PCDHA12: variants seen among roughly 807,000 people sequenced by gnomAD.
The protein encoded by PCDHA12 is protocadherin alpha-12.
In PCDHA12, 44 loss-of-function variants were observed where a neutral mutation model predicts 60.0. The ratio of observed to expected loss-of-function variants is 0.73; its 90% CI spans 0.58 to 0.94. The LOEUF is 0.94. Among genes scored for constraint, PCDHA12 ranks in the 40% least tolerant of loss-of-function variants. The pLI, the probability that PCDHA12 is intolerant of heterozygous loss-of-function variation, is 0.00. For synonymous variants in PCDHA12, 569 were observed against 553.0 expected, an observed-to-expected ratio of 1.03 and a Z score of -0.40; for missense variants, 1,276 against 1,239.7, an observed-to-expected ratio of 1.03 and a Z score of -0.44.
At chr5:140,948,563 A>AT (rs1400147953) in intron 1 of PCDHA12, among the ~76,000 whole-genome samples, 1 of 151,546 alleles carries the variant, frequency 6.6e-6, no homozygotes, top group African/African-American at 2.4e-5. Flanking sequence ...GTTAAGTTGT[A>AT]TTTTTTAAAG....
Position 140,883,460 on chromosome 5 carries a change from G to C in PCDHA12, c.2367+5621G>C, listed in dbSNP as rs1554178305. 4 of 1,614,138 alleles carry C rather than the reference G, an allele frequency of 2.5e-6. No individual in the cohort carries two copies. The African/African-American group carries it at 5.3e-5, about 22-fold the overall frequency. On this transcript the variant is annotated intron_variant, in intron 1 of 3. Transcript: ENST00000398631. Reference sequence around the variant, plus strand: ...GACGCCGCATGTCCCCTTCAAGCTGGTGTCCACCTACAAGAACTACTACTC... The same window carrying C: ...GACGCCGCATGTCCCCTTCAAGCTGCTGTCCACCTACAAGAACTACTACTC...
intron 1 of PCDHA12, among the ~76,000 whole-genome samples, chr5:140,943,778 G>A (rs1554215923): frequency 6.6e-6 from 1 of 152,242 alleles, no homozygotes; most frequent in African/African-American, 2.4e-5. Flanking sequence ...AAACTAGGAA[G>A]TGGTCCTTTA....
chr5:140,994,052 C>T (rs2097593082), intron 3 of PCDHA12, among the ~76,000 whole-genome samples: 1 of 152,134 alleles, frequency 6.6e-6, no homozygotes, highest in African/African-American at 2.4e-5. Context: ...CAGTCCTGCC[C>T]TTATAAATCT....
intron 3 of PCDHA12, among the ~76,000 whole-genome samples, chr5:140,998,111 T>A (rs1224150326): frequency 1.3e-5 from 2 of 152,108 alleles, no homozygotes; most frequent in African/African-American, 4.8e-5. Flanking sequence ...GAGGAGAAAA[T>A]TTACTTGTGA....
In PCDHA12 at chr5:141,006,360, C is replaced by T. The variant is rs898915080; in HGVS notation, c.2516-3267C>T. ...CTGAGTAGCTGGGACTATAGGCGCC[C>T]ACCACCACGCCCGGCTAAGTTTTTT... On this transcript the variant is annotated intron_variant, in intron 3 of 3. Coordinates refer to ENST00000398631, the MANE Select transcript of PCDHA12 (RefSeq NM_018903.4). Among the ~76,000 whole-genome samples, 9 of 151,982 alleles carry T rather than the reference C, an allele frequency of 5.9e-5. 1 individual carries two copies. The highest frequency in any genetic ancestry group is 1.2e-4 in the Non-Finnish European group (8 of 67,998).
At chr5:140,897,438 G>A (rs2066109195) in intron 1 of PCDHA12, among the ~76,000 whole-genome samples, 1 of 149,226 alleles carries the variant, frequency 6.7e-6, no homozygotes, top group African/African-American at 2.5e-5. Context: ...AACATGCAGT[G>A]TTTGGTTTTT....
chr5:140,920,374 G>T (rs1427300257), intron 1 of PCDHA12, among the ~76,000 whole-genome samples: 1 of 151,964 alleles, frequency 6.6e-6, no homozygotes, highest in East Asian at 1.9e-4. Flanking sequence ...TATTCTTGTG[G>T]ATTCATATTA....
chr5:140,944,182 GTTTGT>G (rs750577669), intron 1 of PCDHA12, among the ~76,000 whole-genome samples: 4 of 152,050 alleles, frequency 2.6e-5, no homozygotes, highest in African/African-American at 2.4e-5. Context: ...TTTTTTGTTG[GTTTGT>G]TTTGTTTTGT....
intron 1 of PCDHA12, chr5:140,969,232 C>A (rs138367129): frequency 1.9e-4 from 314 of 1,614,066 alleles, no homozygotes; most frequent in Non-Finnish European, 2.5e-4. Flanking sequence ...CTTCGGGAGC[C>A]CAAGCAGCAG....
intron 1 of PCDHA12, chr5:140,883,267 T>C: frequency 6.2e-7 from 1 of 1,614,048 alleles, no homozygotes. Flanking sequence ...TGGCGGGTCA[T>C]TGTACCCTTT....
chr5:140,900,717 A>G (rs2068252980), intron 1 of PCDHA12, among the ~76,000 whole-genome samples: 1 of 152,136 alleles, frequency 6.6e-6, no homozygotes, highest in South Asian at 2.1e-4. Flanking sequence ...AAGAAAGGAA[A>G]TCCTACCTAG....
chr5:140,953,670 T>C (rs2094923970), intron 1 of PCDHA12, among the ~76,000 whole-genome samples: 1 of 152,212 alleles, frequency 6.6e-6, no homozygotes, highest in Non-Finnish European at 1.5e-5. Flanking sequence ...TGGAAGGGTC[T>C]GTTTATTATG....
intron 1 of PCDHA12, among the ~76,000 whole-genome samples, chr5:140,965,010 C>T (rs1160052537): frequency 5.9e-5 from 9 of 152,154 alleles, no homozygotes; most frequent in Admixed American, 3.9e-4. Flanking sequence ...GTGTCAGGAT[C>T]ACAACCTTGG....
intron 1 of PCDHA12, among the ~76,000 whole-genome samples, chr5:140,898,433 T>G (rs1253149141): frequency 6.6e-5 from 10 of 152,184 alleles, no homozygotes; most frequent in Non-Finnish European, 7.4e-5. Flanking sequence ...CCAGCACCAT[T>G]TATTAAATAG....
intron 1 of PCDHA12, among the ~76,000 whole-genome samples, chr5:140,940,295 G>A (rs1363509137): frequency 5.3e-5 from 8 of 152,110 alleles, no homozygotes; most frequent in Non-Finnish European, 1.0e-4. Flanking sequence ...TGCTTCATCA[G>A]TAATTTATTA....
intron 1 of PCDHA12, among the ~76,000 whole-genome samples, chr5:140,937,729 G>A (rs1471512736): frequency 1.3e-5 from 2 of 151,886 alleles, no homozygotes; most frequent in African/African-American, 4.8e-5. Context: ...TGGCTAACAC[G>A]GTGAAACCCC....
At chr5:140,897,458 G>A (rs191522392) in intron 1 of PCDHA12, among the ~76,000 whole-genome samples, 7 of 151,428 alleles carry the variant, frequency 4.6e-5, no homozygotes, top group African/African-American at 2.4e-5. Context: ...TTGTCCTTGC[G>A]ATAGTTTACT....
chr5:140,936,987 T>A (rs996790487), intron 1 of PCDHA12, among the ~76,000 whole-genome samples: 1 of 152,170 alleles, frequency 6.6e-6, no homozygotes, highest in Non-Finnish European at 1.5e-5. Flanking sequence ...CTTGTTAACA[T>A]TGACAATATT....
intron 1 of PCDHA12, among the ~76,000 whole-genome samples, chr5:140,918,002 A>G (rs2153546564): frequency 1.3e-5 from 2 of 152,244 alleles, no homozygotes; most frequent in South Asian, 4.2e-4. Context: ...TATCTTAACA[A>G]TGTTGTTTCT....
Sources: allele counts gnomAD v4.1 joint callset (sites outside exome capture counted in the v4.1 genomes callset), GRCh38; gene constraint gnomAD v4.1.1; transcripts MANE v1.5; gene names NCBI Gene and HGNC (gene_info 2026-07-23, HGNC 2026-07-21).